Variants in ZNF277 observed in about 807,000 individuals in gnomAD.
ZNF277 encodes zinc finger protein 277.
ZNF277 carries 55 observed loss-of-function variants against 60.7 expected under a neutral mutation model. The ratio of observed to expected loss-of-function variants is 0.91; its 90% CI spans 0.73 to 1.13. The LOEUF (loss-of-function observed/expected upper bound fraction) is 1.13. Among genes scored for constraint, ZNF277 ranks in the 50% most tolerant of loss-of-function variants. The pLI is 0.00. For missense variants in ZNF277, 510 were observed against 523.0 expected (o/e 0.98, Z 0.24); for synonymous variants, 178 against 179.3 (o/e 0.99, Z 0.06).
At chr7:112,274,858 G>A (rs1426265035) in intron 1 of ZNF277, among the ~76,000 whole-genome samples, 1 of 152,122 alleles carries the variant, frequency 6.6e-6, no homozygotes, top group Non-Finnish European at 1.5e-5. Flanking sequence ...TATAACACAG[G>A]CCAATAACCA....
intron 1 of ZNF277, among the ~76,000 whole-genome samples, chr7:112,236,968 A>G (rs1790809139): frequency 6.6e-6 from 1 of 152,168 alleles, no homozygotes; most frequent in African/African-American, 2.4e-5. Flanking sequence ...TTCAAGGTAG[A>G]CCATATATTA....
intron 1 of ZNF277, among the ~76,000 whole-genome samples, chr7:112,272,088 C>G (rs78635379): frequency 0.035 from 5,299 of 152,218 alleles, 157 homozygotes; most frequent in East Asian, 0.12. Context: ...CCCCCTACCC[C>G]CTACTAGCCA....
intron 1 of ZNF277, among the ~76,000 whole-genome samples, chr7:112,250,181 T>C (rs1476299252): frequency 6.6e-6 from 1 of 152,098 alleles, no homozygotes. Flanking sequence ...TCAACTCTTA[T>C]GGTCGAGACT....
intron 1 of ZNF277, among the ~76,000 whole-genome samples, chr7:112,217,217 A>G (rs186659583): frequency 6.6e-6 from 1 of 152,202 alleles, no homozygotes; most frequent in African/African-American, 2.4e-5. Context: ...CAAAAAAGAG[A>G]TTATTCCCAA....
chr7:112,309,519 T>G (rs1467007340), intron 4 of ZNF277, among the ~76,000 whole-genome samples: 1 of 151,844 alleles, frequency 6.6e-6, no homozygotes, highest in Non-Finnish European at 1.5e-5. Context: ...AGTTTGAGGG[T>G]GTGCTTTGGG....
At chr7:112,273,889 A>G (rs932064927) in intron 1 of ZNF277, among the ~76,000 whole-genome samples, 23 of 152,186 alleles carry the variant, frequency 1.5e-4, no homozygotes, top group African/African-American at 5.6e-4. Context: ...AAATAAGTTC[A>G]TAAAACTGTG....
chr7:112,207,196 A>G (rs1375171369), intron 1 of ZNF277, among the ~76,000 whole-genome samples: 1 of 152,128 alleles, frequency 6.6e-6, no homozygotes, highest in African/African-American at 2.4e-5. Context: ...TCTCCTCACC[A>G]GTACACTGCC....
At chr7:112,285,380 A>C (rs1279950189) in intron 1 of ZNF277, among the ~76,000 whole-genome samples, 1 of 151,270 alleles carries the variant, frequency 6.6e-6, no homozygotes, top group Non-Finnish European at 1.5e-5. Flanking sequence ...CAATTAATTC[A>C]TAAATTAAGA....
At chr7:112,225,738 T>C (rs1211358811) in intron 1 of ZNF277, among the ~76,000 whole-genome samples, 2 of 152,240 alleles carry the variant, frequency 1.3e-5, no homozygotes, top group African/African-American at 4.8e-5. Context: ...GCTTTTAAGA[T>C]ATTTTAATAG....
chr7:112,261,966 A>T (rs1343214745), intron 1 of ZNF277, among the ~76,000 whole-genome samples: 1 of 152,124 alleles, frequency 6.6e-6, no homozygotes, highest in Non-Finnish European at 1.5e-5. Flanking sequence ...CACTTTGCCA[A>T]AGGTTTAGAG....
chr7:112,339,211 T>C (rs1793393688), intron 9 of ZNF277, among the ~76,000 whole-genome samples: 1 of 152,234 alleles, frequency 6.6e-6, no homozygotes, highest in South Asian at 2.1e-4. Flanking sequence ...ACCTACACTT[T>C]TATCACACTG....
At chr7:112,229,496 C>T (rs1440845669) in intron 1 of ZNF277, among the ~76,000 whole-genome samples, 1 of 152,174 alleles carries the variant, frequency 6.6e-6, no homozygotes, top group African/African-American at 2.4e-5. Context: ...ATCTGCTAAG[C>T]CCTTATTTAT....
At chr7:112,215,904 C>T (rs555046149) in intron 1 of ZNF277, among the ~76,000 whole-genome samples, 4 of 152,278 alleles carry the variant, frequency 2.6e-5, no homozygotes, top group Non-Finnish European at 5.9e-5. Context: ...AGCTGCTATT[C>T]ACCAGTAATA....
chr7:112,338,665 A>G (rs1793379824), intron 9 of ZNF277, among the ~76,000 whole-genome samples: 1 of 152,220 alleles, frequency 6.6e-6, no homozygotes, highest in Admixed American at 6.5e-5. Context: ...TCAAAAGACC[A>G]TAAACATTTT....
chr7:112,258,167 C>A (rs1791366334), intron 1 of ZNF277, among the ~76,000 whole-genome samples: 1 of 151,920 alleles, frequency 6.6e-6, no homozygotes, highest in African/African-American at 2.4e-5. Context: ...GTGAGAGTTG[C>A]CAGTTTGTAG....
At chr7:112,239,676 G>T (rs1406298877) in intron 1 of ZNF277, among the ~76,000 whole-genome samples, 2 of 152,172 alleles carry the variant, frequency 1.3e-5, no homozygotes, top group African/African-American at 4.8e-5. Flanking sequence ...ATGCTAAAGG[G>T]AGTTATTCAG....
intron 4 of ZNF277, among the ~76,000 whole-genome samples, chr7:112,303,093 GGT>G: frequency 1.3e-5 from 2 of 151,794 alleles, no homozygotes; most frequent in Admixed American, 1.3e-4. Context: ...TGGGATCACA[GGT>G]GTATGCCACC....
chr7:112,230,198 G>C (rs1019307338), intron 1 of ZNF277, among the ~76,000 whole-genome samples: 2 of 152,158 alleles, frequency 1.3e-5, no homozygotes, highest in African/African-American at 4.8e-5. Context: ...AGGCCAAGGT[G>C]GGTGTATCAC....
intron 1 of ZNF277, among the ~76,000 whole-genome samples, chr7:112,213,532 A>G (rs1188007789): frequency 3.9e-5 from 6 of 152,216 alleles, no homozygotes; most frequent in Admixed American, 3.9e-4. Flanking sequence ...TAACTGTGCC[A>G]GATACTGTTT....
Sources: allele counts gnomAD v4.1 joint callset (sites outside exome capture counted in the v4.1 genomes callset), GRCh38; gene constraint gnomAD v4.1.1; transcripts MANE v1.5; gene names NCBI Gene and HGNC (gene_info 2026-07-23, HGNC 2026-07-21).